Variants in VEPH1 observed in about 807,000 individuals in gnomAD.
VEPH1 encodes ventricular zone expressed PH domain containing 1.
In VEPH1, 80 loss-of-function variants were observed where a neutral mutation model predicts 85.2. That is an observed-to-expected ratio of 0.94 (90% CI 0.78 to 1.13). The LOEUF (loss-of-function observed/expected upper bound fraction) is 1.13, where lower values mean the gene tolerates loss of function less well. Among genes scored for constraint, VEPH1 ranks in the 50% most tolerant of loss-of-function variants. The pLI is 0.00. For missense variants in VEPH1, 955 were observed against 980.5 expected (o/e 0.97, Z 0.35); for synonymous variants, 297 against 348.0 (o/e 0.85, Z 1.63).
chr3:157,485,802 A>G (rs1738568047), intron 2 of VEPH1, among the ~76,000 whole-genome samples: 1 of 152,050 alleles, frequency 6.6e-6, no homozygotes, highest in Non-Finnish European at 1.5e-5. Context: ...AGGTAAAAGT[A>G]AAAAGACAGA....
chr3:157,459,942 T>G, intron 4 of VEPH1: 2 of 1,537,132 alleles, frequency 1.3e-6, no homozygotes, highest in Non-Finnish European at 1.7e-6. Flanking sequence ...AAACACAGAT[T>G]TGGAAGAATG....
intron 12 of VEPH1, among the ~76,000 whole-genome samples, chr3:157,267,362 G>C (rs1486499090): frequency 6.6e-6 from 1 of 150,564 alleles, no homozygotes; most frequent in Admixed American, 6.6e-5. Flanking sequence ...GTCCCAAAGT[G>C]CTGGGATTAC....
intron 5 of VEPH1, among the ~76,000 whole-genome samples, chr3:157,423,970 A>G (rs936928819): frequency 6.6e-6 from 1 of 152,224 alleles, no homozygotes; most frequent in African/African-American, 2.4e-5. Context: ...ACCATAATTG[A>G]ATAACCTTGG....
intron 9 of VEPH1, among the ~76,000 whole-genome samples, chr3:157,347,210 A>T (rs1203571935): frequency 6.6e-6 from 1 of 152,090 alleles, no homozygotes; most frequent in Admixed American, 6.6e-5. Context: ...CAAAAAAAAA[A>T]CCCATGGTGT....
intron 4 of VEPH1, among the ~76,000 whole-genome samples, chr3:157,458,207 T>A (rs967627612): frequency 6.6e-6 from 1 of 152,192 alleles, no homozygotes; most frequent in Admixed American, 6.5e-5. Flanking sequence ...TCAATAGTAA[T>A]ATCACCTTGT....
chr3:157,495,996 C>T (rs1464015861), intron 1 of VEPH1, among the ~76,000 whole-genome samples: 2 of 152,210 alleles, frequency 1.3e-5, no homozygotes, highest in Admixed American at 6.5e-5. Flanking sequence ...GCTACGCTAG[C>T]AGTAGAAGTT....
Position 157,365,954 on chromosome 3 carries a change from C to T in VEPH1, c.1128-1442G>A, listed in dbSNP as rs1410095039. ...ACTCGATCTTCAGCCCCTCTCCCCTCCCCAGAGACTGGGGTTGGGTGAGTT... is the reference window on the plus strand; with the variant it reads ...ACTCGATCTTCAGCCCCTCTCCCCTTCCCAGAGACTGGGGTTGGGTGAGTT... On this transcript the variant is annotated intron_variant, in intron 7 of 13. Transcript: ENST00000362010. Among the ~76,000 whole-genome samples, 24 of 152,188 alleles carry T rather than the reference C, an allele frequency of 1.6e-4. 2 individuals carry two copies. The highest frequency in any genetic ancestry group is 1.6e-3 in the Admixed American group (24 of 15,274).
At chr3:157,502,855 A>C (rs1415653199) in intron 1 of VEPH1, among the ~76,000 whole-genome samples, 2 of 152,242 alleles carry the variant, frequency 1.3e-5, no homozygotes, top group Admixed American at 1.3e-4. Context: ...GACTGTAATG[A>C]TGCTATAATA....
At chr3:157,392,490 T>G (rs1163469834) in intron 6 of VEPH1, among the ~76,000 whole-genome samples, 1 of 152,174 alleles carries the variant, frequency 6.6e-6, no homozygotes, top group Non-Finnish European at 1.5e-5. Flanking sequence ...AGCGGTGACA[T>G]AGCCAAACTA....
At chr3:157,264,546 A>C (rs1375938445) in intron 13 of VEPH1, among the ~76,000 whole-genome samples, 1 of 152,228 alleles carries the variant, frequency 6.6e-6, no homozygotes, top group Non-Finnish European at 1.5e-5. Context: ...GGGAAGCAGT[A>C]AACTCATTTA....
intron 5 of VEPH1, among the ~76,000 whole-genome samples, chr3:157,426,748 C>A (rs369227212): frequency 6.6e-6 from 1 of 151,410 alleles, no homozygotes. Context: ...AACTGCATGA[C>A]GACATTAAAC....
At chr3:157,414,633 T>C (rs760690987) in intron 5 of VEPH1, among the ~76,000 whole-genome samples, 4 of 152,188 alleles carry the variant, frequency 2.6e-5, no homozygotes, top group Admixed American at 1.3e-4. Flanking sequence ...AAATGATTTA[T>C]ACCATAGTCA....
chr3:157,283,459 AT>A (rs1213180943), intron 12 of VEPH1, among the ~76,000 whole-genome samples: 2 of 152,228 alleles, frequency 1.3e-5, no homozygotes, highest in Non-Finnish European at 2.9e-5. Flanking sequence ...TTATTTTAGC[AT>A]TTACTTTCCT....
intron 7 of VEPH1, among the ~76,000 whole-genome samples, chr3:157,368,472 A>G (rs1409975183): frequency 7.9e-6 from 1 of 127,120 alleles, no homozygotes; most frequent in East Asian, 2.6e-4. Flanking sequence ...CAGATAAACA[A>G]TAAGTTTTTT....
chr3:157,490,896 G>T (rs1309679278), intron 2 of VEPH1, among the ~76,000 whole-genome samples: 1 of 152,064 alleles, frequency 6.6e-6, no homozygotes, highest in Non-Finnish European at 1.5e-5. Context: ...AAAAAGAATG[G>T]ATACATTGTA....
At chr3:157,356,891 T>C (rs1017927619) in intron 9 of VEPH1, among the ~76,000 whole-genome samples, 2 of 152,164 alleles carry the variant, frequency 1.3e-5, no homozygotes, top group South Asian at 4.1e-4. Context: ...TATACTGCAC[T>C]GCATCCCTTG....
intron 3 of VEPH1, among the ~76,000 whole-genome samples, chr3:157,469,705 C>A (rs2316337): frequency 0.18 from 27,764 of 152,202 alleles, 2,990 homozygotes; most frequent in East Asian, 0.36. Flanking sequence ...ATTTAATGTG[C>A]ATTTCACATA....
intron 6 of VEPH1, among the ~76,000 whole-genome samples, chr3:157,399,474 A>G (rs1730658401): frequency 6.6e-6 from 1 of 152,168 alleles, no homozygotes; most frequent in African/African-American, 2.4e-5. Context: ...ATTTGTAATT[A>G]TTCCTCAGTC....
At chr3:157,285,440 T>G (rs1393653819) in intron 12 of VEPH1, 1 of 152,238 alleles carries the variant, frequency 6.6e-6, no homozygotes, top group Non-Finnish European at 1.5e-5. Flanking sequence ...CCTCAACATC[T>G]TGGCAGTTAA....
Sources: allele counts gnomAD v4.1 joint callset (sites outside exome capture counted in the v4.1 genomes callset), GRCh38; gene constraint gnomAD v4.1.1; transcripts MANE v1.5; gene names NCBI Gene and HGNC (gene_info 2026-07-23, HGNC 2026-07-21).